Variants in GLYR1 observed in about 807,000 individuals in gnomAD.
GLYR1 encodes glyoxylate reductase 1 homolog, also known as cytokine-like nuclear factor N-PAC.
GLYR1 carries 21 observed loss-of-function variants against 72.7 expected under a neutral mutation model. The ratio of observed to expected loss-of-function variants is 0.29; its 90% CI spans 0.20 to 0.42. The LOEUF is 0.42. Ranked by LOEUF, GLYR1 falls within the 10% of genes least tolerant of loss-of-function variation. The pLI is 1.00. For synonymous variants in GLYR1, 392 were observed against 270.2 expected (o/e 1.45, Z -4.42); for missense variants, 594 against 712.1 (o/e 0.83, Z 1.89).
rs372546384 is a variant in GLYR1 at position 4,820,457 on chromosome 16, G to C, written c.806+923C>G. On this transcript the variant is annotated intron_variant, in intron 9 of 15. Transcript: ENST00000321919. ...GACTAATGGGCCAATAAATGTGTTG[G>C]GTAAAAACATCAGGACTCTGTCCTC... 3.6e-4 allele frequency among the ~76,000 whole-genome samples: 55 copies of C among 152,092 alleles called. No individual in the cohort carries two copies. The South Asian group carries it at 0.01, about 29-fold the overall frequency.
At chr16:4,832,581 C>T (rs1474637269) in intron 4 of GLYR1, 193 bp downstream of exon 4, 3 of 678,146 alleles carry the variant, frequency 4.4e-6, no homozygotes, top group African/African-American at 3.6e-5. Flanking sequence ...AAGCAACAAC[C>T]TACTCCAGAA....
rs532308323 is a variant in GLYR1 at position 4,805,368 on chromosome 16, C to T, written c.1588-58G>A. 5 of 1,437,722 alleles carry T rather than the reference C, an allele frequency of 3.5e-6. No individual in the cohort carries two copies. In the South Asian group the frequency reaches 5.9e-5, roughly 17 times the overall value. The allele number at this position is 1,437,722 out of a possible 1,614,324, so 89.1% of individuals were successfully genotyped here. On this transcript the variant is annotated intron_variant, in intron 15 of 15. Transcript: ENST00000321919. ...CCCAGAGCTGCCTTCAAGACCTAGA[C>T]CTGATTCCTGGAGGCAGTGGTGGAT...
chr16:4,808,804 C>T (rs1316644531), intron 15 of GLYR1, among the ~76,000 whole-genome samples: 2 of 151,328 alleles, frequency 1.3e-5, no homozygotes, highest in South Asian at 2.1e-4. Context: ...AAAAGCTTTT[C>T]GAAAGTGTAT....
At chr16:4,814,900 T>G (rs2083541316) in intron 10 of GLYR1, among the ~76,000 whole-genome samples, 2 of 152,166 alleles carry the variant, frequency 1.3e-5, no homozygotes, top group Admixed American at 1.3e-4. Flanking sequence ...GAAGGTATGC[T>G]GTTTCAAGAA....
chr16:4,823,753 A>C, intron 6 of GLYR1, 68 bp downstream of exon 6: 1 of 1,205,272 alleles, frequency 8.3e-7, no homozygotes, highest in Non-Finnish European at 1.2e-6. Flanking sequence ...AAAAAAAAAA[A>C]AAAAAAGGAT....
intron 15 of GLYR1, among the ~76,000 whole-genome samples, chr16:4,806,785 T>C (rs1187833719): frequency 6.6e-6 from 1 of 151,576 alleles, no homozygotes; most frequent in African/African-American, 2.4e-5. Context: ...AATAGATAAA[T>C]GAAACTGGAA....
At position 4,821,545 on chromosome 16, in the gene GLYR1, A is replaced by T. The variant is rs1170506779; in HGVS notation, c.732+2T>A. The T allele has an allele frequency of 6.2e-7, 1 of 1,613,514 alleles. No individual in the cohort carries two copies. Among genetic ancestry groups the T allele is most frequent in the Non-Finnish European group, 8.5e-7 (1 of 1,179,632 alleles). On this transcript the variant is annotated splice_donor_variant, in intron 8 of 15. Coordinates refer to ENST00000321919, the MANE Select transcript of GLYR1 (RefSeq NM_032569.4). LOFTEE classifies it high-confidence loss of function. ...AAATGGGGAGGCATGGAGCCTACATACCTCTTCACATATTTTCAACTTCTT... is the reference window on the plus strand; with the variant it reads ...AAATGGGGAGGCATGGAGCCTACATTCCTCTTCACATATTTTCAACTTCTT...
rs2084039680 is a variant in GLYR1, at chr16:4,821,750, C to T, written c.682-153G>A. ...ACTCCAAATTTTACACTAGAAAGTT[C>T]ATACACATTACCTCATTCAAGTCCC... On this transcript the variant is annotated intron_variant, in intron 7 of 15. Coordinates refer to ENST00000321919, the MANE Select transcript of GLYR1 (RefSeq NM_032569.4). The T allele has an allele frequency of 7.3e-6, 5 of 688,254 alleles. No homozygotes were observed. In the South Asian group the frequency reaches 8.3e-5, roughly 11 times the overall value. 42.6% of individuals were successfully genotyped at this position (688,254 alleles called of 1,614,324 possible).
chr16:4,806,693 G>C (rs1487955714), intron 15 of GLYR1, among the ~76,000 whole-genome samples: 3 of 151,520 alleles, frequency 2.0e-5, no homozygotes, highest in African/African-American at 7.3e-5. Context: ...TGCCTGGCAA[G>C]ATTAACTCTA....
intron 3 of GLYR1, among the ~76,000 whole-genome samples, chr16:4,834,762 C>T (rs2142022744): frequency 6.6e-6 from 1 of 152,192 alleles, no homozygotes; most frequent in East Asian, 1.9e-4. Context: ...CAGCAAACTC[C>T]TTTCCAGTGA....
intron 3 of GLYR1, among the ~76,000 whole-genome samples, chr16:4,841,678 A>C (rs186991062): frequency 4.4e-4 from 67 of 151,236 alleles, no homozygotes; most frequent in Non-Finnish European, 7.7e-4. Flanking sequence ...ACAACAACAA[A>C]AAACATAAGG....
At chr16:4,827,757 G>A (rs545504736) in intron 5 of GLYR1, among the ~76,000 whole-genome samples, 10 of 152,028 alleles carry the variant, frequency 6.6e-5, no homozygotes, top group South Asian at 4.2e-4. Flanking sequence ...AAAATTAGCC[G>A]GGCGTGGTGG....
At chr16:4,819,047 C>T (rs930288259) in intron 9 of GLYR1, among the ~76,000 whole-genome samples, 2 of 152,186 alleles carry the variant, frequency 1.3e-5, no homozygotes, top group African/African-American at 4.8e-5. Flanking sequence ...TTTTAGCTTG[C>T]CAAAGTGTCT....
At chr16:4,837,307 T>C (rs1379243198) in intron 3 of GLYR1, among the ~76,000 whole-genome samples, 1 of 151,834 alleles carries the variant, frequency 6.6e-6, no homozygotes, top group Non-Finnish European at 1.5e-5. Flanking sequence ...GTAGCACACG[T>C]CTGTAATCCC....
At chr16:4,821,129 C>T in intron 9 of GLYR1, 1 of 566,088 alleles carries the variant, frequency 1.8e-6, no homozygotes, top group East Asian at 2.9e-5. Flanking sequence ...ACCACTGAGC[C>T]AAGTGCTCCT....
intron 5 of GLYR1, 120 bp downstream of exon 5, chr16:4,831,859 T>C: frequency 1.4e-6 from 2 of 1,399,696 alleles, no homozygotes; most frequent in Non-Finnish European, 1.9e-6. Context: ...CACAGAATTC[T>C]GCTCCCACTC....
At position 4,832,102 on chromosome 16, in the gene GLYR1, C is replaced by G; in HGVS notation, c.414G>C (p.Lys138Asn). 1.2e-6 allele frequency: 2 copies of G among 1,614,226 alleles called. No individual in the cohort carries two copies. The highest frequency in any genetic ancestry group is 1.7e-6 in the Non-Finnish European group (2 of 1,180,046). ...KLSLSEGKVKKNMGEGKKRVS... is the reference protein window; with the variant it reads ...KLSLSEGKVKNNMGEGKKRVS... ...CCCTCTTCTTTCCTTCTCCCATGTT[C>G]TTCTTCACCTTCCCTTCAGACAGGC... is the stretch of plus-strand genomic sequence containing the variant. Residue 138 changes from lysine to asparagine, a missense_variant, in exon 5 of 16, where the codon AAG becomes AAC. By Grantham distance (94) the Lys-to-Asn change is moderately conservative. Transcript: ENST00000321919.
chr16:4,846,616 G>C (rs1008221753), intron 1 of GLYR1: 1 of 256,414 alleles, frequency 3.9e-6, no homozygotes, highest in Non-Finnish European at 7.8e-6. Context: ...CGCAGCTCGA[G>C]GGAGGCGGCG....
chr16:4,846,397 G>A (rs1446363429), intron 1 of GLYR1, among the ~76,000 whole-genome samples, 187 bp from the exon 2 acceptor site: 3 of 152,184 alleles, frequency 2.0e-5, no homozygotes, highest in East Asian at 1.9e-4. Flanking sequence ...TGTGCACAAC[G>A]CATATCCATT....
Sources: gnomAD v4.1 joint callset for allele counts (sites outside exome capture counted in the v4.1 genomes callset) on GRCh38, gnomAD v4.1.1 for gene constraint, MANE v1.5 for transcripts, NCBI Gene and HGNC (gene_info 2026-07-23, HGNC 2026-07-21) for gene names.